The following RBM8A variants were observed in gnomAD, a reference collection of about 807,000 sequenced individuals.
The protein encoded by RBM8A is RNA binding motif protein 8A.
RBM8A carries 8 observed loss-of-function variants against 25.1 expected under a neutral mutation model. That is an observed-to-expected ratio of 0.32 (90% CI 0.19 to 0.58). The LOEUF (loss-of-function observed/expected upper bound fraction) is 0.58, where lower values mean the gene tolerates loss of function less well. Ranked by LOEUF, RBM8A falls within the 20% of genes least tolerant of loss-of-function variation. The pLI, the probability that RBM8A is intolerant of heterozygous loss-of-function variation, is 0.88. For missense variants in RBM8A, 114 were observed against 236.8 expected (o/e 0.48, Z 3.40); for synonymous variants, 66 against 80.0 (o/e 0.82, Z 0.94).
chr1:145,926,948 T>C, intron 2 of RBM8A, 62 bp from the exon 3 acceptor site: 1 of 1,613,938 alleles, frequency 6.2e-7, no homozygotes, highest in Admixed American at 1.7e-5. Context: ...TCCTATGAGG[T>C]GGGTGGGGAC....
At position 145,926,904 on chromosome 1, in the gene RBM8A, G is replaced by A; in HGVS notation, c.128-18C>T. The A allele has an allele frequency of 6.2e-7, 1 of 1,613,836 alleles. No individual in the cohort carries two copies. Among genetic ancestry groups the A allele is most frequent in the Non-Finnish European group, 8.5e-7 (1 of 1,179,990 alleles). ...CCCCTCTTCTATAAGGGACATACACGAGATCACCGAAAACTCCTCCTTTCT... is the reference window on the plus strand; with the variant it reads ...CCCCTCTTCTATAAGGGACATACACAAGATCACCGAAAACTCCTCCTTTCT... On this transcript the variant is annotated intron_variant, in intron 2 of 5. Transcript: ENST00000583313.
chr1:145,927,028 G>A lies in RBM8A; in HGVS notation c.117C>T (p.Gly39=). The A allele has an allele frequency of 6.2e-7, 1 of 1,614,160 alleles. No homozygotes were observed. The highest frequency in any genetic ancestry group is 1.1e-5 in the South Asian group (1 of 91,086). The change falls in exon 2 of 6, where the codon GGC becomes GGT. Residue 39 remains glycine (G), a synonymous_variant. Transcript: ENST00000583313. Reference sequence around the variant, plus strand: ...TTTCCCCACACTCACCGGAGCCAAAGCCGCGACCCTTCCGTTTCTTCGCTT... The same window carrying A: ...TTTCCCCACACTCACCGGAGCCAAAACCGCGACCCTTCCGTTTCTTCGCTT... ...KEKAKKRKGR[G]FGSEEGSRAR...
At position 145,926,121 on chromosome 1, in the gene RBM8A, T is replaced by C. The variant is rs1648142471; in HGVS notation, c.399A>G (p.Gly133=). 6.2e-7 allele frequency: 1 copy of C among 1,613,956 alleles called. No individual in the cohort carries two copies. Among genetic ancestry groups the C allele is most frequent in the Non-Finnish European group, 8.5e-7 (1 of 1,180,022 alleles). ...GTCCCATCAAATCCTGGCCATTGAG[T>C]CCCTCCATAGCAGCCTGGGCTTCCT... The part of the protein sequence containing the change: ...TYKEAQAAME[G]LNGQDLMGQP... The change falls in exon 5 of 6, where the codon GGA becomes GGG. Residue 133 remains glycine, a synonymous_variant. Transcript: ENST00000583313.
At position 145,924,647 on chromosome 1, in the gene RBM8A, G is replaced by A; in HGVS notation, c.*1235C>T. On this transcript the variant is annotated 3_prime_UTR_variant, in exon 6 of 6. Coordinates refer to ENST00000583313, the MANE Select transcript of RBM8A (RefSeq NM_005105.5). ...TCATATTTCTATCATAATCCCTGGG[G>A]GTAAGAAATCATATAGTCCCAGGTT... 3 of 354,316 alleles carry A rather than the reference G, an allele frequency of 8.5e-6. No homozygotes were observed. Among genetic ancestry groups the A allele is most frequent in the Non-Finnish European group, 1.7e-5 (3 of 178,552 alleles). 21.9% of individuals were successfully genotyped at this position (354,316 alleles called of 1,614,324 possible).
rs1647957471 is a variant in RBM8A, at chr1:145,923,996, T to C, written c.*1886A>G. 3.2e-6 allele frequency: 2 copies of C among 619,084 alleles called. No homozygotes were observed. The highest frequency in any genetic ancestry group is 3.8e-5 in the South Asian group (2 of 52,300). The allele number at this position is 619,084 out of a possible 1,614,324, so 38.3% of individuals were successfully genotyped here. ...AGGAAGATAGGATTTTCAAGATATA[T>C]TTCCAACTTCTTTAACATGGCACCA... On this transcript the variant is annotated 3_prime_UTR_variant, in exon 6 of 6. Transcript: ENST00000583313.
chr1:145,926,919 T>A (rs1553756057), intron 2 of RBM8A, 33 bp from the exon 3 acceptor site: 6 of 1,613,674 alleles, frequency 3.7e-6, no homozygotes, highest in Non-Finnish European at 5.1e-6. Context: ...CACCGAAAAC[T>A]CCTCCTTTCT....
Position 145,925,698 on chromosome 1 carries a change from T to A in RBM8A, c.*184A>T, listed in dbSNP as rs1221869668. The A allele has an allele frequency of 6.3e-6, 4 of 631,538 alleles. No homozygotes were observed. The highest frequency in any genetic ancestry group is 1.8e-5 in the African/African-American group (1 of 54,370). 39.1% of individuals were successfully genotyped at this position (631,538 alleles called of 1,614,324 possible). ...TGCTATGCTTTAGAACTTTCAATTT[T>A]AGGACAGGAAAGTAACATTAAATGT... On this transcript the variant is annotated 3_prime_UTR_variant, in exon 6 of 6. Coordinates refer to ENST00000583313, the MANE Select transcript of RBM8A (RefSeq NM_005105.5).
At position 145,925,773 on chromosome 1, in the gene RBM8A, C is replaced by T. The variant is rs113989026; in HGVS notation, c.*109G>A. 2.0e-4 allele frequency: 256 copies of T among 1,302,748 alleles called. No homozygotes were observed. Among genetic ancestry groups the T allele is most frequent in the African/African-American group, 8.4e-4 (57 of 67,888 alleles). The allele number at this position is 1,302,748 out of a possible 1,614,324, so 80.7% of individuals were successfully genotyped here. On this transcript the variant is annotated 3_prime_UTR_variant, in exon 6 of 6. Transcript: ENST00000583313. ...TCGCAACTCAAATACTACGCATATACGGTAAGAGATTAAATATAAACACAG... is the reference window on the plus strand; with the variant it reads ...TCGCAACTCAAATACTACGCATATATGGTAAGAGATTAAATATAAACACAG...
In RBM8A at chr1:145,926,700, C is replaced by CA. The variant is rs1217308364; in HGVS notation, c.206-83dup. The CA allele has an allele frequency of 3.1e-4, 494 of 1,612,618 alleles. 3 individuals carry two copies. The East Asian group carries it at 7.2e-3, about 24-fold the overall frequency. ...CACAGGAATAGAGTGAGTGCGGACT[C>CA]AGATTGTTTAAGCTATCTCTGAACC... On this transcript the variant is annotated intron_variant, in intron 3 of 5. Transcript: ENST00000583313.
At chr1:145,926,255 A>G (rs1648151068) in intron 4 of RBM8A, 78 bp from the exon 5 acceptor site, 2 of 1,568,678 alleles carry the variant, frequency 1.3e-6, no homozygotes, top group South Asian at 1.1e-5. Flanking sequence ...CCTCAAATCT[A>G]AACTCAGAAA....
chr1:145,921,791 G>T lies in RBM8A; in HGVS notation c.*4091C>A. 1 of 154,980 alleles carries T rather than the reference G, an allele frequency of 6.5e-6. No individual in the cohort carries two copies. Among genetic ancestry groups the T allele is most frequent in the Non-Finnish European group, 1.4e-5 (1 of 69,022 alleles). 9.6% of individuals were successfully genotyped at this position (154,980 alleles called of 1,614,324 possible). ...CAGCATCTCTGAGACTGTAGGATTAGAATTATGTCAGAAGGAGGCCAAGAA... is the reference window on the plus strand; with the variant it reads ...CAGCATCTCTGAGACTGTAGGATTATAATTATGTCAGAAGGAGGCCAAGAA... On this transcript the variant is annotated 3_prime_UTR_variant, in exon 6 of 6. Transcript: ENST00000583313.
chr1:145,926,306 C>A (rs763865027), intron 4 of RBM8A, 129 bp from the exon 5 acceptor site: 1 of 1,432,098 alleles, frequency 7.0e-7, no homozygotes, highest in Admixed American at 1.9e-5. Context: ...TCATATATCT[C>A]TACTGTATAT....
chr1:145,926,992 C>G, intron 2 of RBM8A, 26 bp downstream of exon 2: 7 of 1,614,166 alleles, frequency 4.3e-6, no homozygotes, highest in Non-Finnish European at 5.9e-6. Context: ...TACTAGGCCA[C>G]TCTACCCCAT....
chr1:145,922,784 T>C lies in RBM8A; in HGVS notation c.*3098A>G, dbSNP rs1399505584. 6.6e-6 allele frequency: 1 copy of C among 152,192 alleles called. No homozygotes were observed. The highest frequency in any genetic ancestry group is 2.4e-5 in the African/African-American group (1 of 41,440). The allele number at this position is 152,192 out of a possible 1,614,324, so 9.4% of individuals were successfully genotyped here. A position where few individuals can be genotyped will look rare whatever the true frequency, so the allele number is the denominator to read the frequency against. On this transcript the variant is annotated 3_prime_UTR_variant, in exon 6 of 6. Transcript: ENST00000583313. Reference sequence around the variant, plus strand: ...GTATTAGGAGTAGTTAGAAATTACTTATTTTTGTAGGCTTGTTTCCAAGTT... The same window carrying C: ...GTATTAGGAGTAGTTAGAAATTACTCATTTTTGTAGGCTTGTTTCCAAGTT...
rs1397940509 is a variant in RBM8A, at chr1:145,923,832, T to C, written c.*2050A>G. 2.0e-5 allele frequency: 11 copies of C among 538,660 alleles called. No homozygotes were observed. In the East Asian group the frequency reaches 3.1e-4, roughly 15 times the overall value. The allele number at this position is 538,660 out of a possible 1,614,324, so 33.4% of individuals were successfully genotyped here. ...TAACAGACATACCAGGAAAATCATTTCAGCTAAAAATATGAGTGAGGTGGT... is the reference window on the plus strand; with the variant it reads ...TAACAGACATACCAGGAAAATCATTCCAGCTAAAAATATGAGTGAGGTGGT... On this transcript the variant is annotated 3_prime_UTR_variant, in exon 6 of 6. Coordinates refer to ENST00000583313, the MANE Select transcript of RBM8A (RefSeq NM_005105.5).
At position 145,926,894 on chromosome 1, in the gene RBM8A, G is replaced by T; in HGVS notation, c.128-8C>A. ...GCGCTCGGGACCCCTCTTCTATAAG[G>T]GACATACACGAGATCACCGAAAACT... On this transcript the variant is annotated splice_region_variant and splice_polypyrimidine_tract_variant and intron_variant, in intron 2 of 5. Transcript: ENST00000583313. The T allele has an allele frequency of 6.2e-7, 1 of 1,613,826 alleles. No individual in the cohort carries two copies. The highest frequency in any genetic ancestry group is 8.5e-7 in the Non-Finnish European group (1 of 1,179,980).
intron 1 of RBM8A, 91 bp from the exon 2 acceptor site, chr1:145,927,168 A>C (rs1648207187): frequency 2.0e-6 from 3 of 1,536,900 alleles, no homozygotes; most frequent in South Asian, 1.1e-5. Flanking sequence ...AAGCCGACCC[A>C]CACCGCCTCC....
chr1:145,925,888 A>T lies in RBM8A; in HGVS notation c.519T>A (p.Arg173=). 6.2e-7 allele frequency: 1 copy of T among 1,613,860 alleles called. No homozygotes were observed. The highest frequency in any genetic ancestry group is 8.5e-7 in the Non-Finnish European group (1 of 1,179,972). ...CTGGACAACAGAGGACCTGTCAGCG[A>T]CGTCTCCGGTCTGGACTTCTGCTGC... is the stretch of plus-strand genomic sequence containing the variant. ...RRRSRSPDRR[R]R The change falls in exon 6 of 6, where the codon CGT becomes CGA. Residue 173 remains arginine, a synonymous_variant. Transcript: ENST00000583313.
At position 145,927,024 on chromosome 1, in the gene RBM8A, C is replaced by G. The variant is rs782415793; in HGVS notation, c.121G>C (p.Gly41Arg). 9.3e-6 allele frequency: 15 copies of G among 1,614,178 alleles called. No individual in the cohort carries two copies. Among genetic ancestry groups the G allele is most frequent in the Middle Eastern group, 1.6e-4 (1 of 6,062 alleles). ...CCATTTTCCCCACACTCACCGGAGC[C>G]AAAGCCGCGACCCTTCCGTTTCTTC... Reference protein sequence around the residue: ...KAKKRKGRGFGSEEGSRARMR... With the variant: ...KAKKRKGRGFRSEEGSRARMR... The change falls in exon 2 of 6, where the codon GGC becomes CGC. Residue 41 changes from glycine to arginine, a missense_variant. Around this residue, in one of 2 missense-constraint regions of RBM8A, gnomAD observed 102 missense variants for 182.7 expected, o/e 0.56. Transcript: ENST00000583313.
Sources: gnomAD v4.1 joint callset for allele counts on GRCh38, gnomAD v4.1.1 for gene constraint, gnomAD v4.1.1 regional missense constraint, MANE v1.5 for transcripts, NCBI Gene and HGNC (gene_info 2026-07-23, HGNC 2026-07-21) for gene names.